CBLN2: variants seen among roughly 807,000 people sequenced by gnomAD.
CBLN2 encodes the protein cerebellin-2.
A neutral mutation model predicts 15.0 loss-of-function variants in CBLN2; 7 were observed. That is an observed-to-expected ratio of 0.47 (90% CI 0.27 to 0.88). The LOEUF is 0.88. CBLN2 is among the 40% of genes least tolerant of loss of function. CBLN2 has a pLI of 0.14. For missense variants in CBLN2, 242 were observed against 304.5 expected, an observed-to-expected ratio of 0.79 and a Z score of 1.53; for synonymous variants, 149 against 135.2, an observed-to-expected ratio of 1.10 and a Z score of -0.71.
chr18:72,584,226 A>T (rs1568124086), intron 1 of CBLN2, among the ~76,000 whole-genome samples: 1 of 150,372 alleles, frequency 6.7e-6, no homozygotes, highest in Non-Finnish European at 1.5e-5. Flanking sequence ...GCTTTCATGA[A>T]CTCTTAGTCA....
chr18:72,566,359 G>C (rs2069295056), intron 1 of CBLN2, among the ~76,000 whole-genome samples: 1 of 152,168 alleles, frequency 6.6e-6, no homozygotes, highest in Non-Finnish European at 1.5e-5. Flanking sequence ...AGAGACATTT[G>C]CACTCTCATG....
At chr18:72,587,003 T>C (rs1314733934) in intron 1 of CBLN2, among the ~76,000 whole-genome samples, 1 of 152,048 alleles carries the variant, frequency 6.6e-6, no homozygotes, top group East Asian at 1.9e-4. Context: ...GGTACAAAGT[T>C]AGAAACACTG....
rs558088524 is a variant in CBLN2, at chr18:72,594,513, C to A, written c.15+43812G>T. ...TATACTGTCCTTGCAAAATGAATCT[C>A]GAAATATTTTCTCCTATTCTGTGTC... On this transcript the variant is annotated intron_variant, in intron 1 of 2. Transcript: ENST00000581073. Among the ~76,000 whole-genome samples the A allele has an allele frequency of 2.0e-5, 3 of 149,340 alleles. No individual in the cohort carries two copies. The South Asian group carries it at 6.5e-4, about 32-fold the overall frequency.
chr18:72,627,294 A>G (rs949389074), intron 1 of CBLN2, among the ~76,000 whole-genome samples: 1 of 152,244 alleles, frequency 6.6e-6, no homozygotes, highest in Non-Finnish European at 1.5e-5. Flanking sequence ...CATAGCACAC[A>G]GTACAGAACA....
upstream of CBLN2, among the ~76,000 whole-genome samples, chr18:72,545,900 GA>G (rs1326761404): frequency 6.6e-6 from 1 of 151,936 alleles, no homozygotes; most frequent in African/African-American, 2.4e-5. Context: ...AACACTGGGG[GA>G]AAAAAGAAAA....
intron 1 of CBLN2, among the ~76,000 whole-genome samples, chr18:72,599,380 C>T (rs2069533356): frequency 6.6e-6 from 1 of 151,904 alleles, no homozygotes; most frequent in Admixed American, 6.6e-5. Flanking sequence ...ATGGATGTAC[C>T]CATATTTGTC....
In CBLN2 at chr18:72,591,156, A is replaced by G. The variant is rs191289220; in HGVS notation, c.15+47169T>C. ...GGATTAAAATCAGTTTTCATCATGT[A>G]ATTGTTACAGTGACTACCCAGCTAG... On this transcript the variant is annotated intron_variant, in intron 1 of 2. Transcript: ENST00000581073. Among the ~76,000 whole-genome samples the G allele has an allele frequency of 1.7e-3, 257 of 152,290 alleles. 1 individual carries two copies. Among genetic ancestry groups the G allele is most frequent in the African/African-American group, 5.6e-3 (231 of 41,558 alleles).
chr18:72,581,365 TTA>T (rs1219881350), intron 1 of CBLN2, among the ~76,000 whole-genome samples: 3 of 152,224 alleles, frequency 2.0e-5, no homozygotes, highest in Non-Finnish European at 4.4e-5. Context: ...TATGAGAATT[TTA>T]TGATTTCTCC....
At chr18:72,557,492 C>T (rs1269053599) in intron 1 of CBLN2, among the ~76,000 whole-genome samples, 2 of 152,182 alleles carry the variant, frequency 1.3e-5, no homozygotes, top group Admixed American at 6.5e-5. Context: ...ATTTTCATTC[C>T]TACCAACAAT....
intron 1 of CBLN2, among the ~76,000 whole-genome samples, chr18:72,621,729 T>C (rs894891616): frequency 6.6e-6 from 1 of 152,196 alleles, no homozygotes; most frequent in Non-Finnish European, 1.5e-5. Flanking sequence ...GCTCAGAATT[T>C]TCCATCCTCA....
At chr18:72,550,987 T>A (rs888384872) in intron 1 of CBLN2, among the ~76,000 whole-genome samples, 1 of 152,118 alleles carries the variant, frequency 6.6e-6, no homozygotes, top group African/African-American at 2.4e-5. Context: ...CGATGGGTAA[T>A]GCAGGGCACA....
At chr18:72,553,493 T>TAGAC (rs1568253524) in intron 1 of CBLN2, among the ~76,000 whole-genome samples, 1 of 142,520 alleles carries the variant, frequency 7.0e-6, no homozygotes, top group Non-Finnish European at 1.6e-5. Flanking sequence ...GATAGATAGA[T>TAGAC]AGATAGATAT....
chr18:72,603,100 T>C (rs1024361457), intron 1 of CBLN2, among the ~76,000 whole-genome samples: 8 of 152,272 alleles, frequency 5.3e-5, no homozygotes, highest in Non-Finnish European at 7.3e-5. Flanking sequence ...GTATATGCCA[T>C]GCCGCAAGGC....
Position 72,556,050 on chromosome 18 carries a change from T to C in CBLN2, c.16-17278A>G, listed in dbSNP as rs531516646. Among the ~76,000 whole-genome samples, 9 of 152,126 alleles carry C rather than the reference T, an allele frequency of 5.9e-5. No individual in the cohort carries two copies. The South Asian group carries it at 1.7e-3, about 28-fold the overall frequency. ...ATGGCAGGTGCTCCATTAGTCTGGG[T>C]CCCAGGCTGAAGAGGTAGGGGATAG... On this transcript the variant is annotated intron_variant, in intron 1 of 2. Coordinates refer to the CBLN2 transcript ENST00000581073.
upstream of CBLN2, among the ~76,000 whole-genome samples, chr18:72,545,544 T>C (rs1385200579): frequency 6.6e-6 from 1 of 152,248 alleles, no homozygotes; most frequent in Admixed American, 6.5e-5. Flanking sequence ...GTTACCATTT[T>C]TGTGAGTTTA....
intron 1 of CBLN2, among the ~76,000 whole-genome samples, chr18:72,584,390 C>T (rs1599010602): frequency 6.6e-6 from 1 of 152,080 alleles, no homozygotes; most frequent in Admixed American, 6.5e-5. Context: ...CAGCTCACTG[C>T]AACCTCTGCC....
At chr18:72,626,733 A>C (rs1375309895) in intron 1 of CBLN2, among the ~76,000 whole-genome samples, 2 of 152,122 alleles carry the variant, frequency 1.3e-5, no homozygotes, top group African/African-American at 4.8e-5. Flanking sequence ...AAAGAAGTCC[A>C]GTTCATGATC....
At chr18:72,619,416 T>C (rs531196084) in intron 1 of CBLN2, among the ~76,000 whole-genome samples, 134 of 152,342 alleles carry the variant, frequency 8.8e-4, no homozygotes, top group African/African-American at 3.1e-3. Context: ...TGATTAATTG[T>C]AGAACAGGTT....
At chr18:72,610,343 C>CT (rs2069613961) in intron 1 of CBLN2, among the ~76,000 whole-genome samples, 1 of 152,174 alleles carries the variant, frequency 6.6e-6, no homozygotes, top group Non-Finnish European at 1.5e-5. Context: ...CTCTTCCTTT[C>CT]TTTGGGTCTT....
Sources: allele counts gnomAD v4.1 joint callset (sites outside exome capture counted in the v4.1 genomes callset), GRCh38; gene constraint gnomAD v4.1.1; transcripts MANE v1.5; gene names NCBI Gene and HGNC (gene_info 2026-07-23, HGNC 2026-07-21).